Variants in BLTP1 observed in about 807,000 individuals in gnomAD.
The protein encoded by BLTP1 is bridge-like lipid transfer protein family member 1, also known as fragile site-associated protein.
the BLTP1 span, chr4:122,189,767 A>C: frequency 1.1e-6 from 1 of 885,676 alleles, no homozygotes; most frequent in Non-Finnish European, 1.4e-6. Context: ...TTACTGATAA[A>C]TTTTTAGTAT....
At chr4:122,155,196 G>A in the BLTP1 span, among the ~76,000 whole-genome samples, 3 of 152,014 alleles carry the variant, frequency 2.0e-5, no homozygotes. Context: ...TATGTTTTTG[G>A]TTTATGTAAG....
the BLTP1 span, among the ~76,000 whole-genome samples, chr4:122,167,223 A>C: frequency 6.8e-4 from 104 of 152,270 alleles, no homozygotes; most frequent in Admixed American, 6.5e-4. Context: ...TGAAAACCAT[A>C]GCTCCAGTTC....
chr4:122,286,909 A>G, the BLTP1 span: 21 of 794,904 alleles, frequency 2.6e-5, no homozygotes, highest in Non-Finnish European at 3.9e-5. Flanking sequence ...TTTTCACAGA[A>G]GAATTCTATA....
At chr4:122,345,011 T>C in the BLTP1 span, 2 of 984,992 alleles carry the variant, frequency 2.0e-6, no homozygotes, top group African/African-American at 1.7e-5. Context: ...TTCCTTTACA[T>C]TGCGATTTGA....
chr4:122,297,585 C>A, the BLTP1 span, among the ~76,000 whole-genome samples: 1 of 152,164 alleles, frequency 6.6e-6, no homozygotes, highest in Non-Finnish European at 1.5e-5. Flanking sequence ...ATAAATCATT[C>A]TATTGTAAAG....
chr4:122,269,778 A>G, the BLTP1 span: 2 of 616,394 alleles, frequency 3.2e-6, no homozygotes, highest in Non-Finnish European at 4.1e-6. Context: ...GGCATGTAGT[A>G]AGTCCTCATA....
At chr4:122,227,223 G>A in the BLTP1 span, 71 of 991,122 alleles carry the variant, frequency 7.2e-5, no homozygotes, top group African/African-American at 1.1e-3. Context: ...TGGACATGCC[G>A]TTTCTCCCAT....
chr4:122,199,261 T>C, the BLTP1 span: 1 of 1,496,880 alleles, frequency 6.7e-7, no homozygotes, highest in Admixed American at 2.1e-5. Context: ...TTTTCAAGGA[T>C]TCCTTCTTTG....
the BLTP1 span, chr4:122,346,287 T>C: frequency 7.7e-6 from 2 of 259,544 alleles, no homozygotes; most frequent in East Asian, 1.8e-4. Flanking sequence ...TTGAGAAAAT[T>C]TGTATACCAG....
the BLTP1 span, chr4:122,167,643 A>G: frequency 4.1e-6 from 4 of 985,108 alleles, no homozygotes; most frequent in African/African-American, 1.7e-5. Flanking sequence ...CTACAAGTGT[A>G]TGCTCCTCAT....
At chr4:122,154,138 A>G in the BLTP1 span, 1 of 964,394 alleles carries the variant, frequency 1.0e-6, no homozygotes, top group Non-Finnish European at 1.2e-6. Context: ...TAAGTTTTAA[A>G]AAGGTCAAAT....
chr4:122,243,406 C>T, the BLTP1 span: 2 of 985,034 alleles, frequency 2.0e-6, no homozygotes, highest in Non-Finnish European at 2.4e-6. Context: ...CATTTTAGTA[C>T]TTCTTTTTGG....
At chr4:122,208,709 T>C in the BLTP1 span, 1 of 940,132 alleles carries the variant, frequency 1.1e-6, no homozygotes, top group Non-Finnish European at 1.3e-6. Context: ...TTTTAGTCAA[T>C]GTAAAATCTT....
the BLTP1 span, chr4:122,226,693 C>G: frequency 6.2e-7 from 1 of 1,612,670 alleles, no homozygotes; most frequent in Non-Finnish European, 8.5e-7. Context: ...CAACTTGTCA[C>G]TGATTATCTG....
the BLTP1 span, chr4:122,243,974 A>T: frequency 1.9e-6 from 3 of 1,611,484 alleles, no homozygotes; most frequent in Non-Finnish European, 2.5e-6. Flanking sequence ...TAGTTGAAGT[A>T]AAAGGAACTG....
At chr4:122,298,673 A>C in the BLTP1 span, 8 of 634,478 alleles carry the variant, frequency 1.3e-5, no homozygotes, top group Non-Finnish European at 1.4e-5. Flanking sequence ...ATTTAAACAT[A>C]TAATAATAAA....
chr4:122,263,427 A>G, the BLTP1 span: 1 of 1,575,776 alleles, frequency 6.3e-7, no homozygotes. Context: ...ATACTCAGAA[A>G]CATTTTATTT....
the BLTP1 span, chr4:122,210,912 A>G: frequency 1.2e-5 from 19 of 1,612,704 alleles, no homozygotes; most frequent in African/African-American, 6.7e-5. Context: ...AGACAATGCT[A>G]TCTGTATTAA....
At chr4:122,252,310 C>A in the BLTP1 span, among the ~76,000 whole-genome samples, 1 of 152,130 alleles carries the variant, frequency 6.6e-6, no homozygotes, top group Admixed American at 6.5e-5. Context: ...CCTTAGATGC[C>A]AGCACAGCCA....
Sources: allele counts gnomAD v4.1 joint callset (sites outside exome capture counted in the v4.1 genomes callset), GRCh38; gene constraint gnomAD v4.1.1; transcripts MANE v1.5; gene names NCBI Gene and HGNC (gene_info 2026-07-23, HGNC 2026-07-21).